Variants in DBF4 observed in about 807,000 individuals in gnomAD.
DBF4 encodes protein DBF4 homolog A.
A neutral mutation model predicts 76.6 loss-of-function variants in DBF4; 25 were observed. The observed-to-expected ratio is 0.33, with a 90% CI of 0.24 to 0.46. The LOEUF (loss-of-function observed/expected upper bound fraction) is 0.46, where lower values mean the gene tolerates loss of function less well. Ranked by LOEUF, DBF4 falls within the 20% of genes least tolerant of loss-of-function variation. The probability of loss-of-function intolerance (pLI) is 1.00; values close to 1 mark genes in which losing one functional copy is unlikely to be tolerated. For missense variants in DBF4, 638 were observed against 760.8 expected, an observed-to-expected ratio of 0.84 and a Z score of 1.90; for synonymous variants, 213 against 258.0, an observed-to-expected ratio of 0.83 and a Z score of 1.67.
At chr7:87,904,225 T>G (rs1839862143) in intron 10 of DBF4, 67 bp from the exon 11 acceptor site, 1 of 1,495,242 alleles carries the variant, frequency 6.7e-7, no homozygotes, top group South Asian at 1.3e-5. Flanking sequence ...TTAGAAAACC[T>G]TAATTAAAAA....
intron 6 of DBF4, among the ~76,000 whole-genome samples, chr7:87,895,104 A>G (rs1305414613): frequency 1.3e-5 from 2 of 150,420 alleles, no homozygotes; most frequent in Non-Finnish European, 3.0e-5. Flanking sequence ...ATTTCTATTC[A>G]TTTGTCTTGA....
chr7:87,886,535 CAAAAAAAAAAAAAAA>C (rs11411808), intron 3 of DBF4, among the ~76,000 whole-genome samples: 1 of 54,238 alleles, frequency 1.8e-5, no homozygotes, highest in Non-Finnish European at 3.5e-5. Flanking sequence ...ACTTTGTCTC[CAAAAAAAAAAAAAAA>C]AAAAAAAAGG....
chr7:87,896,589 AC>A, intron 7 of DBF4, 79 bp downstream of exon 7: 1 of 1,251,978 alleles, frequency 8.0e-7, no homozygotes. Flanking sequence ...CATATAAACC[AC>A]CCTCTAAATG....
At chr7:87,876,821 C>G (rs1303478691) in intron 1 of DBF4, 43 bp downstream of exon 1, 1 of 1,605,578 alleles carries the variant, frequency 6.2e-7, no homozygotes, top group Non-Finnish European at 8.5e-7. Context: ...TAATCCTTTC[C>G]TCCCCTCGTG....
In DBF4 at chr7:87,900,296, A is replaced by G; in HGVS notation, c.756A>G (p.Pro252=). The change falls in exon 9 of 12, where the codon CCA becomes CCG. Residue 252 remains proline (P), a synonymous_variant. Transcript: ENST00000265728. Reference sequence around the variant, plus strand: ...ATTCTATTCAGAAGCCCTGCAGTCCATTTGATGTAGACAAGCCATCTAGTA... The same window carrying G: ...ATTCTATTCAGAAGCCCTGCAGTCCGTTTGATGTAGACAAGCCATCTAGTA... ...INYSIQKPCS[P]FDVDKPSSMQ... is the part of the protein sequence containing the mutation. 6.2e-7 allele frequency: 1 copy of G among 1,604,340 alleles called. No individual in the cohort carries two copies. The highest frequency in any genetic ancestry group is 8.5e-7 in the Non-Finnish European group (1 of 1,177,462).
intron 8 of DBF4, among the ~76,000 whole-genome samples, chr7:87,897,711 T>G (rs1320919017): frequency 6.6e-6 from 1 of 152,236 alleles, no homozygotes; most frequent in Non-Finnish European, 1.5e-5. Context: ...AATCTAAGTA[T>G]AACATCTAAC....
intron 11 of DBF4, among the ~76,000 whole-genome samples, chr7:87,904,699 C>T (rs956438612): frequency 9.9e-5 from 15 of 152,056 alleles, no homozygotes; most frequent in Non-Finnish European, 2.1e-4. Flanking sequence ...GCCAAGATTG[C>T]ACCACTGCAC....
At chr7:87,897,451 A>G (rs1203499035) in intron 8 of DBF4, 112 bp downstream of exon 8, 12 of 957,440 alleles carry the variant, frequency 1.3e-5, no homozygotes, top group Non-Finnish European at 1.6e-5. Context: ...TGTTTGATTT[A>G]TATTATACTA....
In DBF4 at chr7:87,908,905, C is replaced by T. The variant is rs1200188621; in HGVS notation, c.*742C>T. The T allele has an allele frequency of 2.0e-5, 3 of 152,202 alleles. No homozygotes were observed. The highest frequency in any genetic ancestry group is 4.4e-5 in the Non-Finnish European group (3 of 68,088). 9.4% of individuals were successfully genotyped at this position (152,202 alleles called of 1,614,324 possible). A position where few individuals can be genotyped will look rare whatever the true frequency, so the allele number is the denominator to read the frequency against. On this transcript the variant is annotated 3_prime_UTR_variant, in exon 12 of 12. Coordinates refer to ENST00000265728, the MANE Select transcript of DBF4 (RefSeq NM_006716.4). ...GACCATCCTGGCCAACATGGTGAAA[C>T]CTTGTCTACTAAAAATACAAAAAAT...
At chr7:87,888,217 A>G in intron 6 of DBF4, 158 bp downstream of exon 6, 1 of 941,382 alleles carries the variant, frequency 1.1e-6, no homozygotes, top group Non-Finnish European at 1.3e-6. Flanking sequence ...ATTTAACTTT[A>G]GGGTTGTACT....
intron 7 of DBF4, 23 bp from the exon 8 acceptor site, chr7:87,897,271 A>G (rs546848496): frequency 3.1e-6 from 5 of 1,597,624 alleles, no homozygotes; most frequent in African/African-American, 2.7e-5. Context: ...GCAAGTATCT[A>G]ATATGTTTTC....
intron 11 of DBF4, 45 bp from the exon 12 acceptor site, chr7:87,907,143 T>C: frequency 6.8e-7 from 1 of 1,460,634 alleles, no homozygotes; most frequent in East Asian, 2.4e-5. Context: ...GAATTTGTTT[T>C]GATAGCAATT....
At chr7:87,887,470 T>G (rs1839386717) in intron 5 of DBF4, 72 bp downstream of exon 5, 2 of 1,454,186 alleles carry the variant, frequency 1.4e-6, no homozygotes, top group Non-Finnish European at 1.8e-6. Flanking sequence ...GTTCCTGACT[T>G]TACATAGTGA....
chr7:87,896,232 C>A, intron 6 of DBF4: 1 of 371,354 alleles, frequency 2.7e-6, no homozygotes. Context: ...ATTTCATTAA[C>A]TACCTTTTCA....
intron 7 of DBF4, among the ~76,000 whole-genome samples, chr7:87,896,992 A>G (rs879013468): frequency 6.6e-6 from 1 of 152,232 alleles, no homozygotes; most frequent in African/African-American, 2.4e-5. Context: ...AGGAAATGCT[A>G]AATTTCAGTT....
intron 8 of DBF4, 54 bp from the exon 9 acceptor site, chr7:87,900,167 C>G: frequency 1.4e-6 from 2 of 1,414,874 alleles, no homozygotes; most frequent in South Asian, 2.5e-5. Flanking sequence ...AAACTTTAAA[C>G]CTTTTTTCTT....
Position 87,876,538 on chromosome 7 carries a change from C to G in DBF4, c.-195C>G, listed in dbSNP as rs1839039205. 3.3e-6 allele frequency: 2 copies of G among 615,054 alleles called. No homozygotes were observed. The highest frequency in any genetic ancestry group is 5.8e-6 in the Non-Finnish European group (2 of 346,550). 38.1% of individuals were successfully genotyped at this position (615,054 alleles called of 1,614,324 possible). On this transcript the variant is annotated 5_prime_UTR_variant, in exon 1 of 12. Coordinates refer to ENST00000265728, the MANE Select transcript of DBF4 (RefSeq NM_006716.4). The stretch of plus-strand genomic sequence containing the variant: ...CCACTCGTTTGTGCTTTGCGCCTTC[C>G]TCCTCCGCGCCTTGGAGCCGGATCC...
chr7:87,906,172 CAAA>C (rs1008003285), intron 11 of DBF4, among the ~76,000 whole-genome samples: 1 of 151,080 alleles, frequency 6.6e-6, no homozygotes, highest in Non-Finnish European at 1.5e-5. Context: ...AAACAAAAAA[CAAA>C]AAAACTATGT....
At position 87,897,857 on chromosome 7, in the gene DBF4, G is replaced by A. The variant is rs117981939; in HGVS notation, c.680+518G>A. Among the ~76,000 whole-genome samples, 434 of 152,080 alleles carry A rather than the reference G, an allele frequency of 2.9e-3. 6 individuals are homozygous for A. In the East Asian group the frequency reaches 0.049, roughly 17 times the overall value. ...TGGCACGATCTCGGCTCACTGCAAC[G>A]TCCACCCCACCCCCGGTTCAAGCAA... On this transcript the variant is annotated intron_variant, in intron 8 of 11. Transcript: ENST00000265728.
Sources: gnomAD v4.1 joint callset for allele counts (sites outside exome capture counted in the v4.1 genomes callset) on GRCh38, gnomAD v4.1.1 for gene constraint, MANE v1.5 for transcripts, NCBI Gene and HGNC (gene_info 2026-07-23, HGNC 2026-07-21) for gene names.